AMOT: variants seen among roughly 807,000 people sequenced by gnomAD.
The protein encoded by AMOT is angiomotin.
A neutral mutation model predicts 67.0 loss-of-function variants in AMOT; 11 were observed. The observed-to-expected ratio is 0.16, with a 90% CI of 0.10 to 0.27. AMOT has a LOEUF of 0.27. Ranked by LOEUF, AMOT falls within the 10% of genes least tolerant of loss-of-function variation. The probability of loss-of-function intolerance (pLI) is 1.00; values close to 1 mark genes in which losing one functional copy is unlikely to be tolerated. For missense variants in AMOT, 753 were observed against 852.0 expected (o/e 0.88, Z 1.45); for synonymous variants, 326 against 321.4 (o/e 1.01, Z -0.15).
At chrX:112,825,004 C>T (rs897303831) in intron 3 of AMOT, 68 bp downstream of exon 3, 1 of 107,397 alleles carries the variant, frequency 9.3e-6, no homozygotes, top group African/African-American at 3.5e-5. Context: ...TGCACACAGG[C>T]ACACATGCAT....
intron 8 of AMOT, 39 bp downstream of exon 8, chrX:112,804,908 C>T (rs45552733): frequency 1.1e-6 from 1 of 947,040 alleles, no homozygotes; most frequent in Non-Finnish European, 1.5e-6. Context: ...TCCCAGCCCT[C>T]CCACCCCCAG....
chrX:112,788,565 G>C (rs1434660360), intron 10 of AMOT, among the ~76,000 whole-genome samples: 1 of 112,208 alleles, frequency 8.9e-6, no homozygotes, highest in Non-Finnish European at 1.9e-5. Context: ...GAACGTAAGA[G>C]GCACTATCAC....
intron 3 of AMOT, among the ~76,000 whole-genome samples, chrX:112,824,507 G>C (rs1044115598): frequency 2.7e-5 from 3 of 111,610 alleles, no homozygotes; most frequent in Admixed American, 9.5e-5. Flanking sequence ...CATGCAGAGA[G>C]AGAGTGACCC....
rs772887322 is a variant in AMOT, at chrX:112,822,119, C to T, written c.872+136G>A. ...CAAATTCGGGTTGGCAGGCAATTCA[C>T]GAAGCCAGAGGCCTGTCATGCATTG... On this transcript the variant is annotated intron_variant, in intron 4 of 13. Coordinates refer to ENST00000371959, the MANE Select transcript of AMOT (RefSeq NM_001113490.2). 14 of 824,833 alleles carry T rather than the reference C, an allele frequency of 1.7e-5. No individual in the cohort carries two copies. The South Asian group carries it at 1.9e-4, about 11-fold the overall frequency. 68.0% of individuals were successfully genotyped at this position (824,833 alleles called of 1,213,427 possible).
intron 8 of AMOT, among the ~76,000 whole-genome samples, chrX:112,796,452 T>C (rs1030035560): frequency 8.9e-6 from 1 of 112,156 alleles, no homozygotes; most frequent in African/African-American, 3.2e-5. Flanking sequence ...CCATGAGCCC[T>C]CAAGATTCCA....
intron 8 of AMOT, among the ~76,000 whole-genome samples, chrX:112,802,869 T>C (rs1934057785): frequency 8.9e-6 from 1 of 112,169 alleles, no homozygotes; most frequent in Non-Finnish European, 1.9e-5. Context: ...GGCTGCCCAG[T>C]GGGAACTAGA....
chrX:112,817,642 C>T (rs1282126926), intron 4 of AMOT, among the ~76,000 whole-genome samples: 1 of 112,168 alleles, frequency 8.9e-6, no homozygotes, highest in Non-Finnish European at 1.9e-5. Context: ...TGGATTCTGT[C>T]GCTCAGGCCC....
chrX:112,776,346 C>T lies in AMOT; in HGVS notation c.*2221G>A, dbSNP rs1176580439. 1 of 112,205 alleles carries T rather than the reference C, an allele frequency of 8.9e-6. No homozygotes were observed. The highest frequency in any genetic ancestry group is 1.9e-5 in the Non-Finnish European group (1 of 53,242). The allele number at this position is 112,205 out of a possible 1,213,427, so 9.2% of individuals were successfully genotyped here. A position where few individuals can be genotyped will look rare whatever the true frequency, so the allele number is the denominator to read the frequency against. On this transcript the variant is annotated 3_prime_UTR_variant, in exon 14 of 14. Transcript: ENST00000371959. ...AATTATTTGGATAGAAAGTAGCTCTCCTGAAGTTTGCTACTTGCTGCTTCT... is the reference window on the plus strand; with the variant it reads ...AATTATTTGGATAGAAAGTAGCTCTTCTGAAGTTTGCTACTTGCTGCTTCT...
chrX:112,837,388 T>A (rs1484136320), intron 1 of AMOT, among the ~76,000 whole-genome samples: 2 of 112,438 alleles, frequency 1.8e-5, no homozygotes, highest in Non-Finnish European at 3.8e-5. Flanking sequence ...TTAGAGTGAA[T>A]TTTTATATAT....
chrX:112,834,660 A>G (rs1020335234), intron 1 of AMOT, among the ~76,000 whole-genome samples: 1 of 113,042 alleles, frequency 8.8e-6, no homozygotes, highest in African/African-American at 3.2e-5. Context: ...ATAAAACACT[A>G]CAATGGCTGG....
intron 5 of AMOT, among the ~76,000 whole-genome samples, chrX:112,812,072 T>C (rs111623370): frequency 2.8e-4 from 31 of 112,069 alleles, no homozygotes; most frequent in Admixed American, 9.5e-5. Flanking sequence ...TAGGGCAAGA[T>C]ACATCTTTAA....
intron 8 of AMOT, among the ~76,000 whole-genome samples, chrX:112,793,045 C>T (rs1933671436): frequency 9.5e-6 from 1 of 105,537 alleles, no homozygotes; most frequent in Admixed American, 1.1e-4. Flanking sequence ...GCAGGCTTCC[C>T]AACTTGTTAA....
At position 112,809,990 on chromosome X, in the gene AMOT, T is replaced by C. The variant is rs774297149; in HGVS notation, c.1538-4A>G. 1 of 1,203,455 alleles carries C rather than the reference T, an allele frequency of 8.3e-7. No homozygotes were observed. The highest frequency in any genetic ancestry group is 3.0e-5 in the East Asian group (1 of 33,747). ...TTGTTGGCAGTCTCTAGACGCTCTG[T>C]GAAATTTGGAGACAATCAACAGGGT... On this transcript the variant is annotated splice_region_variant and splice_polypyrimidine_tract_variant and intron_variant, in intron 6 of 13. Coordinates refer to ENST00000371959, the MANE Select transcript of AMOT (RefSeq NM_001113490.2).
Position 112,805,128 on chromosome X carries a change from G to A in AMOT, c.1631-36C>T, listed in dbSNP as rs373470187. The A allele has an allele frequency of 9.2e-4, 1,103 of 1,205,110 alleles. 1 individual carries two copies. The highest frequency in any genetic ancestry group is 1.2e-3 in the Non-Finnish European group (1,035 of 892,987). ...ATTAAACATCAACACTGCCAGCCTG[G>A]AGCTAGCTCAAAGCCTTACCTGAGC... On this transcript the variant is annotated intron_variant, in intron 7 of 13. Transcript: ENST00000371959.
intron 2 of AMOT, among the ~76,000 whole-genome samples, chrX:112,829,348 C>T (rs145717716): frequency 0.013 from 1,476 of 110,770 alleles, 18 homozygotes; most frequent in African/African-American, 0.046. Flanking sequence ...CATCTTCCCC[C>T]GTTGTCTCTT....
chrX:112,824,084 C>T (rs1602830446), intron 3 of AMOT, among the ~76,000 whole-genome samples: 1 of 112,127 alleles, frequency 8.9e-6, no homozygotes, highest in Non-Finnish European at 1.9e-5. Context: ...TTTAGTAACA[C>T]AATTTAATAT....
At chrX:112,809,045 A>G (rs1934274970) in intron 7 of AMOT, among the ~76,000 whole-genome samples, 1 of 111,745 alleles carries the variant, frequency 8.9e-6, no homozygotes, top group Non-Finnish European at 1.9e-5. Context: ...TTGGAGACCT[A>G]GCAAAGATGG....
chrX:112,779,791 TAAGTA>T, intron 12 of AMOT, 111 bp from the exon 13 acceptor site: 1 of 311,854 alleles, frequency 3.2e-6, no homozygotes, highest in Non-Finnish European at 5.3e-6. Context: ...TATTTTTAAA[TAAGTA>T]AATATTATTT....
At chrX:112,807,631 T>A (rs1934233990) in intron 7 of AMOT, among the ~76,000 whole-genome samples, 1 of 111,688 alleles carries the variant, frequency 9.0e-6, no homozygotes, top group South Asian at 3.8e-4. Context: ...CAATGCTAGA[T>A]GGTAAAACAG....
Sources: gnomAD v4.1 joint callset for allele counts (sites outside exome capture counted in the v4.1 genomes callset) on GRCh38, gnomAD v4.1.1 for gene constraint, MANE v1.5 for transcripts, NCBI Gene and HGNC (gene_info 2026-07-23, HGNC 2026-07-21) for gene names.